Variants in ARHGEF3 observed in about 807,000 individuals in gnomAD.
ARHGEF3 encodes 59.8 kDA protein.
ARHGEF3 carries 28 observed loss-of-function variants against 63.2 expected under a neutral mutation model. The observed-to-expected ratio is 0.44, with a 90% CI of 0.33 to 0.61. The LOEUF is 0.61. Ranked by LOEUF, ARHGEF3 falls within the 20% of genes least tolerant of loss-of-function variation. The pLI, the probability that ARHGEF3 is intolerant of heterozygous loss-of-function variation, is 0.03. For synonymous variants in ARHGEF3, 266 were observed against 254.2 expected (o/e 1.05, Z -0.44); for missense variants, 533 against 659.3 (o/e 0.81, Z 2.10).
chr3:56,882,489 G>T, intron 3 of ARHGEF3: 1 of 546,558 alleles, frequency 1.8e-6, no homozygotes, highest in South Asian at 2.0e-5. Flanking sequence ...CTTTAACCAA[G>T]CTATGTAAAT....
At chr3:56,786,504 C>A (rs2036825729) in intron 1 of ARHGEF3, among the ~76,000 whole-genome samples, 1 of 152,176 alleles carries the variant, frequency 6.6e-6, no homozygotes, top group Non-Finnish European at 1.5e-5. Context: ...TTTGTTGAGA[C>A]ACTTTCCATC....
chr3:56,923,714 C>A (rs1398975700), intron 3 of ARHGEF3, among the ~76,000 whole-genome samples: 1 of 152,146 alleles, frequency 6.6e-6, no homozygotes, highest in African/African-American at 2.4e-5. Flanking sequence ...TCCCATGACT[C>A]AGAGTGTTCA....
In ARHGEF3 at chr3:57,064,486, C is replaced by A. The variant is rs569626542; in HGVS notation, c.-28+14740G>T. Among the ~76,000 whole-genome samples the A allele has an allele frequency of 2.0e-5, 3 of 152,210 alleles. No individual in the cohort carries two copies. The South Asian group carries it at 6.2e-4, about 32-fold the overall frequency. ...TACAGGTGCATGCCACCACGCCCAG[C>A]AAATTGCTGTATTTTTTGTAGACAG... On this transcript the variant is annotated intron_variant, in intron 1 of 12. Transcript: ENST00000338458.
chr3:56,779,675 T>C (rs1397041716), intron 1 of ARHGEF3, among the ~76,000 whole-genome samples: 3 of 152,194 alleles, frequency 2.0e-5, no homozygotes, highest in Non-Finnish European at 2.9e-5. Flanking sequence ...CCACCCAGCA[T>C]GGGGGCACTT....
chr3:56,747,253 TTGGA>T (rs2034446699), intron 6 of ARHGEF3, among the ~76,000 whole-genome samples: 1 of 152,140 alleles, frequency 6.6e-6, no homozygotes, highest in Admixed American at 6.5e-5. Flanking sequence ...GCAGTAACCA[TTGGA>T]TGTAAACTAG....
intron 6 of ARHGEF3, among the ~76,000 whole-genome samples, chr3:56,745,700 C>A (rs1033062279): frequency 6.6e-6 from 1 of 151,696 alleles, no homozygotes; most frequent in Non-Finnish European, 1.5e-5. Flanking sequence ...GAGACGGAGT[C>A]TCGCTCTGTC....
chr3:56,742,030 A>G (rs918804561), intron 7 of ARHGEF3, among the ~76,000 whole-genome samples: 1 of 152,212 alleles, frequency 6.6e-6, no homozygotes, highest in Non-Finnish European at 1.5e-5. Context: ...TGCTGGACTC[A>G]TCATCCTCAA....
upstream of ARHGEF3, among the ~76,000 whole-genome samples, chr3:56,804,929 C>T (rs889314479): frequency 4.6e-5 from 7 of 152,178 alleles, no homozygotes; most frequent in Non-Finnish European, 8.8e-5. Context: ...CCACCAAGAA[C>T]CTGTGCCCAA....
At chr3:56,959,034 A>G in intron 2 of ARHGEF3, 1 of 835,114 alleles carries the variant, frequency 1.2e-6, no homozygotes, top group Non-Finnish European at 1.9e-6. Flanking sequence ...CAGCTCTGCA[A>G]TCTTCAGCAG....
intron 4 of ARHGEF3, among the ~76,000 whole-genome samples, chr3:56,810,533 A>AAAAAGAAAAG (rs376288309): frequency 6.6e-6 from 1 of 152,198 alleles, no homozygotes; most frequent in African/African-American, 2.4e-5. Flanking sequence ...TCTCAAAAAC[A>AAAAAGAAAAG]AAAAGAAAAG....
chr3:56,967,161 C>G (rs1455889088), intron 2 of ARHGEF3, among the ~76,000 whole-genome samples: 1 of 145,248 alleles, frequency 6.9e-6, no homozygotes, highest in Non-Finnish European at 1.5e-5. Flanking sequence ...CCGCGCCCAG[C>G]CTTTTTTTTT....
intron 4 of ARHGEF3, among the ~76,000 whole-genome samples, chr3:56,863,051 A>AG (rs1318154786): frequency 6.6e-6 from 1 of 152,154 alleles, no homozygotes; most frequent in Non-Finnish European, 1.5e-5. Context: ...CTAACATCCA[A>AG]GGAGTTAGAA....
intron 3 of ARHGEF3, among the ~76,000 whole-genome samples, chr3:56,954,598 T>A (rs1435028636): frequency 6.6e-6 from 1 of 152,178 alleles, no homozygotes; most frequent in Non-Finnish European, 1.5e-5. Flanking sequence ...CACCTATGGG[T>A]CTGGTAAGTG....
intron 2 of ARHGEF3, among the ~76,000 whole-genome samples, chr3:56,768,721 A>C (rs1289355427): frequency 6.6e-6 from 1 of 152,176 alleles, no homozygotes; most frequent in Non-Finnish European, 1.5e-5. Context: ...AAAAAGCGTT[A>C]AAGGAAATAA....
chr3:56,792,452 G>A (rs1431913628), intron 1 of ARHGEF3, among the ~76,000 whole-genome samples: 1 of 152,206 alleles, frequency 6.6e-6, no homozygotes, highest in Non-Finnish European at 1.5e-5. Flanking sequence ...GGACAGAGAG[G>A]TTGTTGGCTT....
At position 57,004,319 on chromosome 3, in the gene ARHGEF3, G is replaced by A. The variant is rs193014762; in HGVS notation, c.62+30769C>T. On this transcript the variant is annotated intron_variant, in intron 2 of 12. Coordinates refer to the ARHGEF3 transcript ENST00000338458. ...TTTCTAATAGATCCGCCCTGATAAC[G>A]TGTCCACATTTGCAAGAGATAAAAA... Among the ~76,000 whole-genome samples the A allele has an allele frequency of 2.6e-4, 40 of 152,340 alleles. 1 individual carries two copies. The highest frequency in any genetic ancestry group is 6.8e-3 in the Middle Eastern group (2 of 294).
At chr3:56,772,649 TTCA>T (rs1459063028) in intron 2 of ARHGEF3, among the ~76,000 whole-genome samples, 3 of 152,284 alleles carry the variant, frequency 2.0e-5, no homozygotes, top group African/African-American at 4.8e-5. Context: ...AAAGATACAC[TTCA>T]TCAACAGTTT....
At chr3:56,867,887 T>C (rs2040307331) in intron 4 of ARHGEF3, among the ~76,000 whole-genome samples, 1 of 152,178 alleles carries the variant, frequency 6.6e-6, no homozygotes, top group Non-Finnish European at 1.5e-5. Context: ...ACTGTGGAAA[T>C]GAAGAGGGCA....
intron 1 of ARHGEF3, among the ~76,000 whole-genome samples, chr3:57,050,399 GAAGGCC>G: frequency 6.6e-6 from 1 of 152,372 alleles, no homozygotes; most frequent in East Asian, 1.9e-4. Context: ...TTCCACCCTG[GAAGGCC>G]AAGGCCACAG....
Sources: allele counts gnomAD v4.1 joint callset (sites outside exome capture counted in the v4.1 genomes callset), GRCh38; gene constraint gnomAD v4.1.1; transcripts MANE v1.5; gene names NCBI Gene and HGNC (gene_info 2026-07-23, HGNC 2026-07-21).